CNTN5: variants seen among roughly 807,000 people sequenced by gnomAD.
The protein encoded by CNTN5 is contactin-5.
In CNTN5, 77 loss-of-function variants were observed where a neutral mutation model predicts 129.1. The ratio of observed to expected loss-of-function variants is 0.60; its 90% CI spans 0.50 to 0.72. CNTN5 has a LOEUF of 0.72. Among genes scored for constraint, CNTN5 ranks in the 30% least tolerant of loss-of-function variants. The probability of loss-of-function intolerance (pLI) is 0.00; values close to 1 mark genes in which losing one functional copy is unlikely to be tolerated. For missense variants in CNTN5, 1,478 were observed against 1,328.8 expected (o/e 1.11, Z -1.75); for synonymous variants, 509 against 465.6 (o/e 1.09, Z -1.20).
At chr11:100,106,172 T>A (rs1480223425) in intron 13 of CNTN5, among the ~76,000 whole-genome samples, 2 of 152,022 alleles carry the variant, frequency 1.3e-5, no homozygotes, top group Admixed American at 1.3e-4. Context: ...AAAAGGGAAG[T>A]GACATGGGAG....
intron 3 of CNTN5, among the ~76,000 whole-genome samples, chr11:99,759,606 A>G (rs982150590): frequency 4.6e-5 from 7 of 151,774 alleles, no homozygotes; most frequent in Non-Finnish European, 7.4e-5. Context: ...TTCAGGTGTG[A>G]AGTCATAACC....
intron 4 of CNTN5, among the ~76,000 whole-genome samples, chr11:99,830,960 T>C (rs1947120991): frequency 6.6e-6 from 1 of 152,136 alleles, no homozygotes; most frequent in Non-Finnish European, 1.5e-5. Flanking sequence ...TGAATTTCTA[T>C]ACCATGATAG....
At chr11:99,361,640 C>T (rs577747941) in intron 2 of CNTN5, among the ~76,000 whole-genome samples, 85 of 152,018 alleles carry the variant, frequency 5.6e-4, no homozygotes, top group Non-Finnish European at 9.1e-4. Flanking sequence ...CAATGACTTC[C>T]CAATTTCTTT....
chr11:100,093,092 G>T (rs1292823426), intron 13 of CNTN5, among the ~76,000 whole-genome samples: 2 of 151,890 alleles, frequency 1.3e-5, no homozygotes, highest in African/African-American at 2.4e-5. Flanking sequence ...TTTGAGTATT[G>T]TCCCTGATCC....
chr11:100,327,516 T>C (rs1348990530), intron 21 of CNTN5, among the ~76,000 whole-genome samples: 2 of 152,154 alleles, frequency 1.3e-5, no homozygotes, highest in African/African-American at 4.8e-5. Context: ...CGGAGTCCTA[T>C]CCCTCAAGTT....
intron 3 of CNTN5, among the ~76,000 whole-genome samples, chr11:99,677,851 T>C (rs968886472): frequency 1.3e-5 from 2 of 152,148 alleles, no homozygotes; most frequent in Non-Finnish European, 2.9e-5. Context: ...ATCAACCTCA[T>C]GACCTCGCAA....
intron 1 of CNTN5, among the ~76,000 whole-genome samples, chr11:99,237,179 T>C (rs962579920): frequency 1.3e-5 from 2 of 152,118 alleles, no homozygotes; most frequent in Admixed American, 1.3e-4. Context: ...AATATATATC[T>C]ACTCTTTTTT....
chr11:99,477,953 T>C (rs1298787448), intron 2 of CNTN5, among the ~76,000 whole-genome samples: 1 of 152,120 alleles, frequency 6.6e-6, no homozygotes, highest in Admixed American at 6.6e-5. Context: ...AATGTGAATA[T>C]TATAGAGACA....
At chr11:99,528,188 C>A (rs1437873072) in intron 2 of CNTN5, among the ~76,000 whole-genome samples, 1 of 152,040 alleles carries the variant, frequency 6.6e-6, no homozygotes, top group Non-Finnish European at 1.5e-5. Flanking sequence ...TAAAATTATT[C>A]TAAAAAATTC....
intron 15 of CNTN5, among the ~76,000 whole-genome samples, chr11:100,218,055 T>G (rs1417297691): frequency 1.3e-5 from 2 of 152,200 alleles, no homozygotes; most frequent in African/African-American, 4.8e-5. Context: ...TCCTTTGTCA[T>G]TAACAAACCA....
chr11:99,691,061 GTC>G (rs2134783865), intron 3 of CNTN5, among the ~76,000 whole-genome samples: 1 of 151,762 alleles, frequency 6.6e-6, no homozygotes, highest in Admixed American at 6.6e-5. Context: ...GTTTATAATA[GTC>G]TCTGATGACT....
chr11:99,353,442 G>A (rs529411140), intron 2 of CNTN5, among the ~76,000 whole-genome samples: 3 of 152,248 alleles, frequency 2.0e-5, no homozygotes, highest in East Asian at 1.9e-4. Flanking sequence ...AAGTAAGAGC[G>A]GGGAATGGTA....
chr11:99,777,347 T>C (rs1945158975), intron 3 of CNTN5, among the ~76,000 whole-genome samples: 1 of 151,904 alleles, frequency 6.6e-6, no homozygotes, highest in South Asian at 2.1e-4. Flanking sequence ...AGCACTGTTC[T>C]TCTGTTCAGG....
At chr11:100,222,317 G>A (rs77546909) in intron 15 of CNTN5, among the ~76,000 whole-genome samples, 3,744 of 152,244 alleles carry the variant, frequency 0.025, 163 homozygotes, top group African/African-American at 0.086. Context: ...CAAGAACCAA[G>A]TAAAGGACAA....
chr11:100,246,087 T>C (rs1949835062), intron 16 of CNTN5, among the ~76,000 whole-genome samples: 1 of 152,128 alleles, frequency 6.6e-6, no homozygotes, highest in South Asian at 2.1e-4. Flanking sequence ...TCTATTTTGC[T>C]AAAATCAAAT....
intron 15 of CNTN5, among the ~76,000 whole-genome samples, chr11:100,209,493 G>A (rs926659955): frequency 8.5e-5 from 13 of 152,160 alleles, no homozygotes; most frequent in African/African-American, 3.1e-4. Context: ...TAACATGTTA[G>A]AAAATTCTAA....
rs575490505 is a variant in CNTN5 at position 99,533,563 on chromosome 11, G to A, written c.-70-22582G>A. Among the ~76,000 whole-genome samples, 55 of 152,362 alleles carry A rather than the reference G, an allele frequency of 3.6e-4. 1 individual carries two copies. Among genetic ancestry groups the A allele is most frequent in the Admixed American group, 1.7e-3 (26 of 15,308 alleles). On this transcript the variant is annotated intron_variant, in intron 2 of 24. Transcript: ENST00000524871. ...CCTTGCCCAGGCAATGGGGGCTTCAGTAGGGAGAAGGCTGGTGCCTGTCAG... is the reference window on the plus strand; with the variant it reads ...CCTTGCCCAGGCAATGGGGGCTTCAATAGGGAGAAGGCTGGTGCCTGTCAG...
intron 2 of CNTN5, among the ~76,000 whole-genome samples, chr11:99,432,673 A>T (rs1188859675): frequency 6.6e-6 from 1 of 151,930 alleles, no homozygotes; most frequent in Non-Finnish European, 1.5e-5. Flanking sequence ...CTATATAGTA[A>T]AAGTCTTTGC....
At chr11:100,299,462 C>G in intron 20 of CNTN5, 66 bp downstream of exon 20, 1 of 938,204 alleles carries the variant, frequency 1.1e-6, no homozygotes, top group Admixed American at 2.9e-5. Context: ...AATCAGACAC[C>G]TTTGTACACA....
Sources: gnomAD v4.1 joint callset for allele counts (sites outside exome capture counted in the v4.1 genomes callset) on GRCh38, gnomAD v4.1.1 for gene constraint, MANE v1.5 for transcripts, NCBI Gene and HGNC (gene_info 2026-07-23, HGNC 2026-07-21) for gene names.